The following LINGO1 variants were observed in gnomAD, a reference collection of about 807,000 sequenced individuals.
LINGO1 encodes the protein leucine rich repeat and Ig domain containing 1.
A neutral mutation model predicts 37.3 loss-of-function variants in LINGO1; 11 were observed. That is an observed-to-expected ratio of 0.29 (90% confidence interval 0.19 to 0.49). The LOEUF is 0.49. LINGO1 is among the 20% of genes least tolerant of loss of function. The pLI is 0.99. For missense variants in LINGO1, 585 were observed against 878.2 expected, an observed-to-expected ratio of 0.67 and a Z score of 4.22; for synonymous variants, 387 against 403.0, an observed-to-expected ratio of 0.96 and a Z score of 0.48.
At chr15:77,690,019 A>G (rs1481063821) in intron 2 of LINGO1, among the ~76,000 whole-genome samples, 1 of 152,214 alleles carries the variant, frequency 6.6e-6, no homozygotes, top group African/African-American at 2.4e-5. Flanking sequence ...AGAGAGGCAT[A>G]GAGATTTGTC....
chr15:77,616,422 T>C (rs1338013433), intron 1 of LINGO1, among the ~76,000 whole-genome samples: 2 of 152,164 alleles, frequency 1.3e-5, no homozygotes, highest in African/African-American at 4.8e-5. Context: ...CTGAGGCTGC[T>C]GGGGGCCCCA....
chr15:77,715,173 A>C (rs973129228), intron 2 of LINGO1, among the ~76,000 whole-genome samples: 7 of 152,172 alleles, frequency 4.6e-5, no homozygotes, highest in Admixed American at 1.3e-4. Flanking sequence ...GGCATGCTGC[A>C]CGTACCCCAT....
intron 2 of LINGO1, among the ~76,000 whole-genome samples, chr15:77,711,882 G>GA (rs113036200): frequency 1.6e-3 from 196 of 123,648 alleles, no homozygotes; most frequent in Non-Finnish European, 2.5e-3. Flanking sequence ...TCTCTCCTCT[G>GA]AGGGGGGGGC....
At chr15:77,793,741 A>G in intron 2 of LINGO1, among the ~76,000 whole-genome samples, 1 of 152,218 alleles carries the variant, frequency 6.6e-6, no homozygotes, top group East Asian at 1.9e-4. Flanking sequence ...TAATGATGGG[A>G]AAATAATCTT....
upstream of LINGO1, among the ~76,000 whole-genome samples, chr15:77,635,845 T>C (rs2074386752): frequency 6.6e-6 from 1 of 152,022 alleles, no homozygotes; most frequent in Non-Finnish European, 1.5e-5. Context: ...CAGCAGACCC[T>C]GGCTGCAGGC....
chr15:77,626,927 T>C (rs1277131443), intron 1 of LINGO1, among the ~76,000 whole-genome samples: 2 of 151,656 alleles, frequency 1.3e-5, no homozygotes, highest in East Asian at 3.9e-4. Context: ...TGCATCCAAG[T>C]AAAGGGACTT....
intron 3 of LINGO1, among the ~76,000 whole-genome samples, chr15:77,664,170 T>TGTGTGTGTGTGC: frequency 3.7e-4 from 49 of 131,008 alleles, no homozygotes; most frequent in Non-Finnish European, 4.6e-4. Flanking sequence ...TGTGTGTGTG[T>TGTGTGTGTGTGC]GCGCGCGCGC....
At chr15:77,772,623 C>G (rs374127296) in intron 1 of LINGO1, among the ~76,000 whole-genome samples, 2 of 152,154 alleles carry the variant, frequency 1.3e-5, no homozygotes, top group East Asian at 1.9e-4. Flanking sequence ...GAATCTACCT[C>G]TCATTAAAAT....
chr15:77,820,109 A>ACCCGCCACGCCCGGCCCCGCCG (rs1367149968), intron 1 of LINGO1: 8 of 144,364 alleles, frequency 5.5e-5, no homozygotes, highest in Admixed American at 1.4e-4. Flanking sequence ...CGGCGAGGGG[A>ACCCGCCACGCCCGGCCCCGCCG]CCCGCCACGC....
At chr15:77,766,270 C>T (rs1428471068) in intron 1 of LINGO1, among the ~76,000 whole-genome samples, 1 of 137,114 alleles carries the variant, frequency 7.3e-6, no homozygotes, top group Non-Finnish European at 1.5e-5. Context: ...TGCACTCTAG[C>T]CTGGGTAACA....
intron 1 of LINGO1, among the ~76,000 whole-genome samples, chr15:77,760,316 C>T (rs915862286): frequency 7.9e-5 from 12 of 152,198 alleles, no homozygotes; most frequent in Non-Finnish European, 1.6e-4. Context: ...GGTGTCCAGG[C>T]TCCCGTCCCC....
At chr15:77,809,141 C>A (rs2076983294) in intron 1 of LINGO1, among the ~76,000 whole-genome samples, 1 of 152,222 alleles carries the variant, frequency 6.6e-6, no homozygotes, top group Non-Finnish European at 1.5e-5. Flanking sequence ...TTAGAATCTG[C>A]CAGGCCAGGT....
chr15:77,783,084 C>G (rs1030146072), intron 1 of LINGO1, among the ~76,000 whole-genome samples: 2 of 152,182 alleles, frequency 1.3e-5, no homozygotes, highest in African/African-American at 4.8e-5. Context: ...AAAGTCACCT[C>G]TTCAGAGAGG....
chr15:77,819,856 C>T (rs947891090), intron 1 of LINGO1, among the ~76,000 whole-genome samples: 8 of 151,382 alleles, frequency 5.3e-5, no homozygotes, highest in African/African-American at 1.9e-4. Flanking sequence ...CGGGAAGCGC[C>T]GGCCCCCTCC....
intron 3 of LINGO1, among the ~76,000 whole-genome samples, chr15:77,639,811 C>T (rs539791378): frequency 2.6e-5 from 4 of 152,264 alleles, no homozygotes; most frequent in South Asian, 2.1e-4. Context: ...TATTAAAACA[C>T]GCAGGACAGT....
At chr15:77,781,014 T>C (rs184665515) in intron 1 of LINGO1, among the ~76,000 whole-genome samples, 3 of 152,358 alleles carry the variant, frequency 2.0e-5, no homozygotes, top group East Asian at 3.9e-4. Flanking sequence ...TGGGCTGTCA[T>C]AGCAGAGAAG....
intron 1 of LINGO1, among the ~76,000 whole-genome samples, chr15:77,762,070 A>G (rs1318462032): frequency 1.3e-5 from 2 of 152,060 alleles, no homozygotes. Context: ...CCCTTAATTC[A>G]CCCTGGCAGG....
intron 3 of LINGO1, among the ~76,000 whole-genome samples, chr15:77,655,845 G>A (rs2074853528): frequency 6.6e-6 from 1 of 152,152 alleles, no homozygotes; most frequent in South Asian, 2.1e-4. Flanking sequence ...CCACCTTCTC[G>A]CCCTCCTCCC....
At position 77,776,480 on chromosome 15, in the gene LINGO1, G is replaced by A. The variant is rs557742690; in HGVS notation, c.-257+10389C>T. Reference sequence around the variant, plus strand: ...AGGCAGGAAGGCAGGAAGGCAGGAAGGCAGGAAAGCAGGAAGGCAGGAAGG... The same window carrying A: ...AGGCAGGAAGGCAGGAAGGCAGGAAAGCAGGAAAGCAGGAAGGCAGGAAGG... On this transcript the variant is annotated intron_variant, in intron 1 of 3. Transcript: ENST00000561686. Among the ~76,000 whole-genome samples the A allele has an allele frequency of 5.2e-4, 61 of 116,362 alleles. 1 individual carries two copies. Among genetic ancestry groups the A allele is most frequent in the African/African-American group, 1.3e-3 (39 of 31,194 alleles). 76.3% of individuals were successfully genotyped at this position (116,362 alleles called of 152,430 possible). A position where few individuals can be genotyped will look rare whatever the true frequency, so the allele number is the denominator to read the frequency against.
Sources: gnomAD v4.1 joint callset for allele counts (sites outside exome capture counted in the v4.1 genomes callset) on GRCh38, gnomAD v4.1.1 for gene constraint, MANE v1.5 for transcripts, NCBI Gene and HGNC (gene_info 2026-07-23, HGNC 2026-07-21) for gene names.